ACIN1: variants seen among roughly 807,000 people sequenced by gnomAD.
ACIN1 encodes the protein apoptotic chromatin condensation inducer 1, also known as apoptotic chromatin condensation inducer in the nucleus.
In ACIN1, 16 loss-of-function variants were observed where a neutral mutation model predicts 146.6. The observed-to-expected ratio is 0.11, with a 90% confidence interval of 0.07 to 0.17. The LOEUF (loss-of-function observed/expected upper bound fraction) is 0.17. Among genes scored for constraint, ACIN1 ranks in the 10% least tolerant of loss-of-function variants. The probability of loss-of-function intolerance (pLI) is 1.00; values close to 1 mark genes in which losing one functional copy is unlikely to be tolerated. For missense variants in ACIN1, 1,357 were observed against 1,609.3 expected (o/e 0.84, Z 2.68); for synonymous variants, 569 against 582.7 (o/e 0.98, Z 0.34).
intron 18 of ACIN1, 50 bp from the exon 19 acceptor site, chr14:23,059,524 A>T: frequency 6.7e-7 from 1 of 1,496,296 alleles, no homozygotes; most frequent in Non-Finnish European, 9.3e-7. Context: ...TCCTGGTCAC[A>T]GCCTCCATTT....
At chr14:23,059,515 C>G (rs369307830) in intron 18 of ACIN1, 41 bp from the exon 19 acceptor site, 13 of 1,534,860 alleles carry the variant, frequency 8.5e-6, no homozygotes, top group Admixed American at 3.4e-5. Context: ...GCAGCTCAGT[C>G]CTGGTCACAG....
Position 23,059,468 on chromosome 14 carries a change from G to T in ACIN1, c.3532C>A (p.Gln1178Lys). The change falls in exon 19 of 19, where the codon CAG becomes AAG. Residue 1178 changes from glutamine to lysine, a missense_variant. Around this residue, in one of 4 missense-constraint regions of ACIN1, gnomAD observed 509 missense variants for 719.6 expected, o/e 0.71. Coordinates refer to ENST00000605057, the MANE Select transcript of ACIN1 (RefSeq NM_001386863.1). ...CGTTCGGCCCGCTCTGCCTCTTTCT[G>T]AACGATCTGTAGCCAGGTAGGAAAG... ...WLPLTDSQIV[Q>K]KEAERAERAK... The T allele has an allele frequency of 6.2e-7, 1 of 1,613,388 alleles. No homozygotes were observed. Among genetic ancestry groups the T allele is most frequent in the Non-Finnish European group, 8.5e-7 (1 of 1,179,826 alleles).
intron 8 of ACIN1, chr14:23,071,742 T>A: frequency 1.7e-6 from 1 of 581,566 alleles, no homozygotes; most frequent in Non-Finnish European, 2.9e-6. Context: ...TACAGAGGCT[T>A]AACCCCCCAG....
At chr14:23,062,144 C>T in intron 16 of ACIN1, 24 bp downstream of exon 16, 1 of 1,600,882 alleles carries the variant, frequency 6.2e-7, no homozygotes, top group South Asian at 1.1e-5. Flanking sequence ...CCCCTCCTCT[C>T]TTTCCTCTCC....
intron 12 of ACIN1, 130 bp from the exon 13 acceptor site, chr14:23,063,707 C>A: frequency 9.3e-7 from 1 of 1,075,462 alleles, no homozygotes; most frequent in South Asian, 1.6e-5. Flanking sequence ...ATTTCGTTAT[C>A]GGCTCACTTC....
chr14:23,089,464 G>A (rs1250804201), intron 4 of ACIN1, among the ~76,000 whole-genome samples: 3 of 152,142 alleles, frequency 2.0e-5, no homozygotes, highest in Admixed American at 6.6e-5. Context: ...AATACTCTGC[G>A]TTGCCTTGCA....
At chr14:23,090,413 A>T in intron 3 of ACIN1, 109 bp downstream of exon 3, 1 of 977,724 alleles carries the variant, frequency 1.0e-6, no homozygotes, top group Non-Finnish European at 1.5e-6. Flanking sequence ...AGTAAGTAGC[A>T]GTCTCAGCCT....
chr14:23,071,525 G>T (rs1030661863), intron 8 of ACIN1: 5 of 1,551,386 alleles, frequency 3.2e-6, no homozygotes, highest in Non-Finnish European at 4.4e-6. Context: ...CGGAGCGGCA[G>T]CGATCAGCCG....
Position 23,079,672 on chromosome 14 carries a change from C to A in ACIN1, c.1663G>T (p.Asp555Tyr), listed in dbSNP as rs2047892668. The change falls in exon 6 of 19, where the codon GAT (aspartate) becomes TAT (tyrosine). Residue 555 changes from aspartate to tyrosine, a missense_variant. By Grantham distance (160) the Asp-to-Tyr change is radical (BLOSUM62 -3). Coordinates refer to ENST00000605057, the MANE Select transcript of ACIN1 (RefSeq NM_001386863.1). ...SHSPLRSKQR[D>Y]VAQARTHANP... ...GCATGAGTACGTGCCTGGGCTACAT[C>A]TCTCTGCTTGGATCTGAGCGGTGAA... 1 of 1,614,040 alleles carries A rather than the reference C, an allele frequency of 6.2e-7. No individual in the cohort carries two copies. Among genetic ancestry groups the A allele is most frequent in the Non-Finnish European group, 8.5e-7 (1 of 1,180,038 alleles).
chr14:23,090,649 G>T lies in ACIN1; in HGVS notation c.205-16C>A, dbSNP rs749215439. 1.9e-6 allele frequency: 3 copies of T among 1,595,816 alleles called. No homozygotes were observed. The highest frequency in any genetic ancestry group is 4.5e-5 in the East Asian group (2 of 44,732). ...CCTCACCAATCTGTGTAGAGGAAAT[G>T]AAAACAGAGGGTCTAGGAAAACAAA... On this transcript the variant is annotated splice_polypyrimidine_tract_variant and intron_variant, in intron 2 of 18. Coordinates refer to ENST00000605057, the MANE Select transcript of ACIN1 (RefSeq NM_001386863.1).
Position 23,075,605 on chromosome 14 carries a change from AT to A in ACIN1, c.2123+2545del, listed in dbSNP as rs5807201. Among the ~76,000 whole-genome samples, 8 of 148,852 alleles carry A rather than the reference AT, an allele frequency of 5.4e-5. No individual in the cohort carries two copies. The South Asian group carries it at 6.3e-4, about 12-fold the overall frequency. On this transcript the variant is annotated intron_variant, in intron 8 of 18. Transcript: ENST00000605057. ...AATGGTGACAGGTCCTTGAAGTCTA[AT>A]TTTTTTTTTTTTTAACACTTTACTG... is the stretch of plus-strand genomic sequence containing the variant.
At position 23,061,318 on chromosome 14, in the gene ACIN1, TCTTTA is replaced by T; in HGVS notation, c.3399_3403del (p.Lys1136GlufsTer2). ...CCTACCTTTCTTCTCACTCTTCTTTTCTTTAGACTTCGCACGTTCCTTGCGGCGGC... is the reference window on the plus strand; with the variant it reads ...CCTACCTTTCTTCTCACTCTTCTTTTGACTTCGCACGTTCCTTGCGGCGGC... On this transcript the variant is annotated frameshift_variant, in exon 17 of 19. Transcript: ENST00000605057. LOFTEE classifies it high-confidence loss of function. 6.2e-7 allele frequency: 1 copy of T among 1,614,094 alleles called. No individual in the cohort carries two copies. Among genetic ancestry groups the T allele is most frequent in the Non-Finnish European group, 8.5e-7 (1 of 1,179,972 alleles).
chr14:23,077,545 T>C lies in ACIN1; in HGVS notation c.2123+606A>G, dbSNP rs145468504. Among the ~76,000 whole-genome samples, 19 of 152,330 alleles carry C rather than the reference T, an allele frequency of 1.2e-4. No individual in the cohort carries two copies. In the East Asian group the frequency reaches 3.1e-3, roughly 25 times the overall value. On this transcript the variant is annotated intron_variant, in intron 8 of 18. Coordinates refer to ENST00000605057, the MANE Select transcript of ACIN1 (RefSeq NM_001386863.1). ...ATGAGTATTTCTCTAGGACTTAATA[T>C]AAAGATTTTAAAAACTCACATTAAT...
intron 9 of ACIN1, 66 bp from the exon 10 acceptor site, chr14:23,066,074 A>G (rs2047445507): frequency 7.4e-7 from 1 of 1,353,788 alleles, no homozygotes. Flanking sequence ...GGGGGGAAGG[A>G]GGTTAGATGG....
At position 23,090,078 on chromosome 14, in the gene ACIN1, C is replaced by T; in HGVS notation, c.340G>A (p.Glu114Lys). Reference protein sequence around the residue: ...LEEASAESEDEMIHPEGVASL... With the variant: ...LEEASAESEDKMIHPEGVASL... ...GCCACTCCCTCAGGATGGATCATCT[C>T]GTCCTCCGACTCAGCTGAAGCTTCT... Residue 114 changes from glutamate (E) to lysine (K), a missense_variant, in exon 4 of 19, where the codon GAG (glutamate) becomes AAG (lysine). Glu to Lys is a moderately conservative substitution (Grantham distance 56). Around this residue, in one of 4 missense-constraint regions of ACIN1, gnomAD observed 55 missense variants for 123.9 expected, o/e 0.44. Coordinates refer to ENST00000605057, the MANE Select transcript of ACIN1 (RefSeq NM_001386863.1). 1.9e-6 allele frequency: 3 copies of T among 1,613,918 alleles called. No homozygotes were observed. The highest frequency in any genetic ancestry group is 1.1e-5 in the South Asian group (1 of 91,018).
At chr14:23,093,375 G>A (rs2048277852) in intron 2 of ACIN1, 104 bp downstream of exon 2, 4 of 1,190,070 alleles carry the variant, frequency 3.4e-6, no homozygotes, top group African/African-American at 1.5e-5. Context: ...GAGAACTTAG[G>A]AAAACAGTCA....
At chr14:23,076,281 G>A (rs778003782) in intron 8 of ACIN1, among the ~76,000 whole-genome samples, 3 of 152,178 alleles carry the variant, frequency 2.0e-5, no homozygotes, top group Non-Finnish European at 4.4e-5. Context: ...AAGCAGGTAC[G>A]AGTGATGTGT....
Position 23,062,912 on chromosome 14 carries a change from G to A in ACIN1, c.2883+17C>T, listed in dbSNP as rs751614405. 6 of 1,594,922 alleles carry A rather than the reference G, an allele frequency of 3.8e-6. No homozygotes were observed. The highest frequency in any genetic ancestry group is 4.3e-6 in the Non-Finnish European group (5 of 1,171,110). On this transcript the variant is annotated intron_variant, in intron 14 of 18. Coordinates refer to ENST00000605057, the MANE Select transcript of ACIN1 (RefSeq NM_001386863.1). Reference sequence around the variant, plus strand: ...TAACCACTAAGCAAGCTGGGATGGTGAGAAACAATGACTTACCAAATTGGA... The same window carrying A: ...TAACCACTAAGCAAGCTGGGATGGTAAGAAACAATGACTTACCAAATTGGA...
At chr14:23,064,334 C>T (rs1237916382) in intron 11 of ACIN1, 21 bp downstream of exon 11, 5 of 1,614,122 alleles carry the variant, frequency 3.1e-6, no homozygotes, top group South Asian at 2.2e-5. Context: ...ATCCTCCCTT[C>T]CCTGGCTCCT....
Sources: gnomAD v4.1 joint callset for allele counts (sites outside exome capture counted in the v4.1 genomes callset) on GRCh38, gnomAD v4.1.1 for gene constraint, gnomAD v4.1.1 regional missense constraint, MANE v1.5 for transcripts, NCBI Gene and HGNC (gene_info 2026-07-23, HGNC 2026-07-21) for gene names.